The following GUCY1A2 variants were observed in gnomAD, a reference collection of about 807,000 sequenced individuals.
GUCY1A2 encodes guanylate cyclase soluble subunit alpha-2.
Under a neutral mutation model 63.5 loss-of-function variants are expected in GUCY1A2, and 27 were observed. The observed-to-expected ratio is 0.43, with a 90% CI of 0.31 to 0.59. GUCY1A2 has a LOEUF of 0.59. Ranked by LOEUF, GUCY1A2 falls within the 20% of genes least tolerant of loss-of-function variation. The pLI, the probability that GUCY1A2 is intolerant of heterozygous loss-of-function variation, is 0.11. For synonymous variants in GUCY1A2, 364 were observed against 343.5 expected, an observed-to-expected ratio of 1.06 and a Z score of -0.66; for missense variants, 768 against 913.3, an observed-to-expected ratio of 0.84 and a Z score of 2.05.
chr11:106,797,798 G>T (rs913286445), intron 5 of GUCY1A2, among the ~76,000 whole-genome samples: 1 of 152,108 alleles, frequency 6.6e-6, no homozygotes, highest in African/African-American at 2.4e-5. Flanking sequence ...AGCACTAAAT[G>T]CCCACAAGAG....
intron 6 of GUCY1A2, among the ~76,000 whole-genome samples, chr11:106,749,376 C>T (rs2135384132): frequency 6.6e-6 from 1 of 152,130 alleles, no homozygotes; most frequent in East Asian, 1.9e-4. Flanking sequence ...TCAAGTTCTC[C>T]TTTGGGCTGC....
chr11:106,906,315 T>C (rs1431579830), intron 4 of GUCY1A2, among the ~76,000 whole-genome samples: 1 of 152,158 alleles, frequency 6.6e-6, no homozygotes, highest in Non-Finnish European at 1.5e-5. Flanking sequence ...AAGACAGTTA[T>C]GCAGCCAACA....
rs137913181 is a variant in GUCY1A2, at chr11:106,868,177, G to A, written c.1207-57699C>T. On this transcript the variant is annotated intron_variant, in intron 4 of 7. Coordinates refer to ENST00000526355, the MANE Select transcript of GUCY1A2 (RefSeq NM_000855.3). ...AATTTGGTAGCTATAAAGCTATGCC[G>A]GTACCTAGAAAAGGCAAGATTGAGT... 5.3e-3 allele frequency among the ~76,000 whole-genome samples: 810 copies of A among 152,086 alleles called. 1 individual carries two copies. The highest frequency in any genetic ancestry group is 8.2e-3 in the Non-Finnish European group (558 of 67,972).
At chr11:106,913,200 T>C (rs891113759) in intron 4 of GUCY1A2, among the ~76,000 whole-genome samples, 5 of 152,092 alleles carry the variant, frequency 3.3e-5, no homozygotes, top group Admixed American at 2.6e-4. Flanking sequence ...CACAAACACA[T>C]TGTCTTAGTT....
At chr11:106,829,640 A>G (rs761704232) in intron 4 of GUCY1A2, among the ~76,000 whole-genome samples, 5 of 152,132 alleles carry the variant, frequency 3.3e-5, no homozygotes, top group Admixed American at 1.3e-4. Flanking sequence ...GGATATTTTG[A>G]GCTCCTCCTA....
intron 7 of GUCY1A2, among the ~76,000 whole-genome samples, chr11:106,705,688 G>GTCTC (rs910698184): frequency 2.0e-5 from 3 of 151,988 alleles, no homozygotes; most frequent in Non-Finnish European, 4.4e-5. Flanking sequence ...ATGAAACCCC[G>GTCTC]TCTCTACTAA....
chr11:106,718,497 G>A (rs548643993), intron 6 of GUCY1A2, among the ~76,000 whole-genome samples: 1 of 152,034 alleles, frequency 6.6e-6, no homozygotes, highest in Non-Finnish European at 1.5e-5. Flanking sequence ...TTCTCACAGG[G>A]CACTCATTAA....
chr11:106,987,303 A>C (rs533782312), intron 1 of GUCY1A2, among the ~76,000 whole-genome samples: 2 of 152,346 alleles, frequency 1.3e-5, no homozygotes, highest in South Asian at 2.1e-4. Context: ...AATAAGTATC[A>C]ATTTCCAATT....
chr11:106,767,613 G>C (rs1309592504), intron 6 of GUCY1A2, among the ~76,000 whole-genome samples: 2 of 152,096 alleles, frequency 1.3e-5, no homozygotes, highest in Non-Finnish European at 2.9e-5. Context: ...TAAACTAGCA[G>C]TGGAATTCTG....
intron 5 of GUCY1A2, among the ~76,000 whole-genome samples, chr11:106,776,923 T>A (rs1864367415): frequency 6.6e-6 from 1 of 152,210 alleles, no homozygotes; most frequent in Non-Finnish European, 1.5e-5. Context: ...CATCCCTTCA[T>A]CTCCTTCCAA....
At chr11:106,840,243 T>C (rs1195788398) in intron 4 of GUCY1A2, among the ~76,000 whole-genome samples, 1 of 151,954 alleles carries the variant, frequency 6.6e-6, no homozygotes. Context: ...TCTGTGTTAA[T>C]ATCCATCAGG....
At chr11:106,886,600 C>T (rs975949544) in intron 4 of GUCY1A2, among the ~76,000 whole-genome samples, 10 of 151,990 alleles carry the variant, frequency 6.6e-5, no homozygotes, top group African/African-American at 2.4e-4. Flanking sequence ...TGTTTATAAA[C>T]ATAAATATAT....
chr11:106,774,233 C>T (rs896324569), intron 6 of GUCY1A2, among the ~76,000 whole-genome samples: 4 of 151,826 alleles, frequency 2.6e-5, no homozygotes, highest in Non-Finnish European at 5.9e-5. Context: ...CCCGGGTTCA[C>T]GCCATTCTCT....
intron 4 of GUCY1A2, among the ~76,000 whole-genome samples, chr11:106,899,511 C>G (rs1211102535): frequency 5.3e-5 from 8 of 152,076 alleles, no homozygotes; most frequent in Non-Finnish European, 1.2e-4. Context: ...AAGGACTTAG[C>G]CTTTGTCTAC....
chr11:106,684,681 T>C lies in GUCY1A2; in HGVS notation c.*2868A>G. 1 of 202,872 alleles carries C rather than the reference T, an allele frequency of 4.9e-6. No individual in the cohort carries two copies. Among genetic ancestry groups the C allele is most frequent in the Non-Finnish European group, 1.0e-5 (1 of 98,700 alleles). The allele number at this position is 202,872 out of a possible 1,614,324, so 12.6% of individuals were successfully genotyped here. A position where few individuals can be genotyped will look rare whatever the true frequency, so the allele number is the denominator to read the frequency against. ...AAAGAATATTAAAATGCAAGAGCTA[T>C]AGGTGCCAAATTATATTTTAAAGTA... On this transcript the variant is annotated 3_prime_UTR_variant, in exon 8 of 8. Transcript: ENST00000526355.
intron 4 of GUCY1A2, among the ~76,000 whole-genome samples, chr11:106,887,793 G>A (rs1307284076): frequency 7.9e-5 from 12 of 152,322 alleles, no homozygotes; most frequent in African/African-American, 1.4e-4. Context: ...TAAATGACCG[G>A]CATAAAAACT....
intron 6 of GUCY1A2, among the ~76,000 whole-genome samples, chr11:106,726,974 G>A (rs1305231708): frequency 6.6e-6 from 1 of 152,178 alleles, no homozygotes; most frequent in African/African-American, 2.4e-5. Flanking sequence ...TTTTGGAACT[G>A]AATATTTAAA....
At chr11:106,955,349 T>C (rs989087675) in intron 3 of GUCY1A2, among the ~76,000 whole-genome samples, 2 of 152,222 alleles carry the variant, frequency 1.3e-5, no homozygotes, top group Non-Finnish European at 2.9e-5. Context: ...GTCAACATGA[T>C]GCTATTTGGT....
Position 106,940,065 on chromosome 11 carries a change from T to TA in GUCY1A2, c.600dup (p.Asn201Ter), listed in dbSNP as rs1860732875. 1 of 1,613,592 alleles carries TA rather than the reference T, an allele frequency of 6.2e-7. No individual in the cohort carries two copies. The highest frequency in any genetic ancestry group is 1.7e-5 in the Admixed American group (1 of 59,990). ...TGTTCCAACAAAGCATCAAAGCCGTTAAAAAAGTCCTGCAAAGTGCCACCT... is the reference window on the plus strand; with the variant it reads ...TGTTCCAACAAAGCATCAAAGCCGTTAAAAAAAGTCCTGCAAAGTGCCACCT... On this transcript the variant is annotated frameshift_variant, in exon 4 of 8. Coordinates refer to ENST00000526355, the MANE Select transcript of GUCY1A2 (RefSeq NM_000855.3). LOFTEE classifies it high-confidence loss of function.
Sources: allele counts gnomAD v4.1 joint callset (sites outside exome capture counted in the v4.1 genomes callset), GRCh38; gene constraint gnomAD v4.1.1; transcripts MANE v1.5; gene names NCBI Gene and HGNC (gene_info 2026-07-23, HGNC 2026-07-21).